The following DNAJC13 variants were observed in gnomAD, a reference collection of about 807,000 sequenced individuals.
DNAJC13 encodes the protein dnaJ homolog subfamily C member 13.
DNAJC13 carries 75 observed loss-of-function variants against 290.5 expected under a neutral mutation model. The observed-to-expected ratio is 0.26, with a 90% CI of 0.21 to 0.31. The LOEUF is 0.31. DNAJC13 is among the 10% of genes least tolerant of loss of function. The probability of loss-of-function intolerance (pLI) is 1.00; values close to 1 mark genes in which losing one functional copy is unlikely to be tolerated. For synonymous variants in DNAJC13, 862 were observed against 892.0 expected (o/e 0.97, Z 0.60); for missense variants, 2,260 against 2,674.5 (o/e 0.85, Z 3.42).
intron 20 of DNAJC13, among the ~76,000 whole-genome samples, chr3:132,469,533 G>A (rs903936472): frequency 1.3e-5 from 2 of 152,150 alleles, no homozygotes; most frequent in African/African-American, 2.4e-5. Flanking sequence ...TCCTTTTTCT[G>A]TATAGCATTT....
intron 15 of DNAJC13, 145 bp downstream of exon 15, chr3:132,461,350 T>C: frequency 1.2e-6 from 1 of 815,784 alleles, no homozygotes; most frequent in East Asian, 2.6e-5. Context: ...GAAAGAAGAG[T>C]TGTCTTGGGC....
At chr3:132,436,336 C>T (rs1939384686) in intron 2 of DNAJC13, among the ~76,000 whole-genome samples, 1 of 152,174 alleles carries the variant, frequency 6.6e-6, no homozygotes, top group African/African-American at 2.4e-5. Context: ...CTGACTTCTT[C>T]CATTAAGCAT....
chr3:132,458,391 A>G (rs1933683785), intron 13 of DNAJC13: 1 of 152,204 alleles, frequency 6.6e-6, no homozygotes, highest in Non-Finnish European at 1.5e-5. Context: ...ACAAGTAGTG[A>G]GATAACTAGA....
At chr3:132,501,506 T>G (rs185635772) in intron 39 of DNAJC13, among the ~76,000 whole-genome samples, 1 of 151,264 alleles carries the variant, frequency 6.6e-6, no homozygotes, top group Admixed American at 6.6e-5. Flanking sequence ...GACTGAGATA[T>G]ATGCTTCAGA....
chr3:132,418,729 A>G (rs1038452543), intron 1 of DNAJC13, among the ~76,000 whole-genome samples: 3 of 152,144 alleles, frequency 2.0e-5, no homozygotes, highest in African/African-American at 7.2e-5. Context: ...TGTCTTGGGG[A>G]AAAAAGTAGA....
chr3:132,471,596 A>G (rs1337139034), intron 20 of DNAJC13, among the ~76,000 whole-genome samples: 2 of 135,034 alleles, frequency 1.5e-5, no homozygotes, highest in Non-Finnish European at 3.2e-5. Context: ...GGCACTCCTC[A>G]CATCCCAGAT....
rs536634724 is a variant in DNAJC13, at chr3:132,497,360, G to A, written c.4156+697G>A. On this transcript the variant is annotated intron_variant, in intron 36 of 55. Transcript: ENST00000260818. The stretch of plus-strand genomic sequence containing the variant: ...AATATGGCAGATGCCCAATGGCTTG[G>A]GAACTGAACTTGACTTACAGCACAA... Among the ~76,000 whole-genome samples the A allele has an allele frequency of 1.9e-3, 282 of 152,278 alleles. 1 individual carries two copies. The highest frequency in any genetic ancestry group is 6.4e-3 in the African/African-American group (268 of 41,566).
intron 20 of DNAJC13, among the ~76,000 whole-genome samples, chr3:132,471,903 G>A (rs1447201022): frequency 6.9e-6 from 1 of 144,870 alleles, no homozygotes; most frequent in Admixed American, 7.0e-5. Flanking sequence ...GCGGCTGGGA[G>A]GTGTAGGTTG....
intron 4 of DNAJC13, 23 bp from the exon 5 acceptor site, chr3:132,447,875 T>C: frequency 1.3e-6 from 2 of 1,596,774 alleles, no homozygotes; most frequent in Middle Eastern, 1.7e-4. Flanking sequence ...TGTCATAAAC[T>C]GTGGTTATGT....
intron 29 of DNAJC13, among the ~76,000 whole-genome samples, chr3:132,487,427 T>G (rs1315663126): frequency 1.3e-5 from 2 of 151,838 alleles, no homozygotes; most frequent in African/African-American, 4.8e-5. Context: ...CGGCTAATTT[T>G]TTGTACTTTT....
chr3:132,465,170 T>C (rs935143665), intron 17 of DNAJC13, among the ~76,000 whole-genome samples: 1 of 152,130 alleles, frequency 6.6e-6, no homozygotes, highest in Non-Finnish European at 1.5e-5. Flanking sequence ...TGACAAAGTA[T>C]ATTTTGGGTT....
At chr3:132,515,629 T>G (rs770980349) in intron 46 of DNAJC13, among the ~76,000 whole-genome samples, 1 of 152,202 alleles carries the variant, frequency 6.6e-6, no homozygotes, top group Non-Finnish European at 1.5e-5. Context: ...AAGGATGTTA[T>G]GGAACTCATA....
intron 46 of DNAJC13, 33 bp downstream of exon 46, chr3:132,514,703 G>C: frequency 1.3e-6 from 2 of 1,489,972 alleles, no homozygotes; most frequent in Non-Finnish European, 9.3e-7. Flanking sequence ...GGAAACCACA[G>C]CAAGATTAGC....
At position 132,462,654 on chromosome 3, in the gene DNAJC13, T is replaced by C. The variant is rs1020041813; in HGVS notation, c.1770+131T>C. On this transcript the variant is annotated intron_variant, in intron 16 of 55. Transcript: ENST00000260818. ...TCTGGGTAAGAAAAGTAATTTTAAA[T>C]CTTTATTATAAATTAGTTTTAAACT... The C allele has an allele frequency of 5.1e-6, 3 of 582,618 alleles. No individual in the cohort carries two copies. The Admixed American group carries it at 1.1e-4, about 21-fold the overall frequency. The allele number at this position is 582,618 out of a possible 1,614,324, so 36.1% of individuals were successfully genotyped here.
chr3:132,513,185 T>G, intron 45 of DNAJC13, 86 bp downstream of exon 45: 1 of 1,153,030 alleles, frequency 8.7e-7, no homozygotes, highest in Non-Finnish European at 1.3e-6. Flanking sequence ...TGTCTGAAGT[T>G]GAAGTGTGCT....
intron 36 of DNAJC13, among the ~76,000 whole-genome samples, chr3:132,498,750 C>G (rs1167277648): frequency 6.6e-6 from 1 of 151,702 alleles, no homozygotes; most frequent in Non-Finnish European, 1.5e-5. Flanking sequence ...GAGGCTTGCC[C>G]TGTCGCCCAG....
At chr3:132,492,041 G>T (rs986497476) in intron 32 of DNAJC13, among the ~76,000 whole-genome samples, 1 of 152,146 alleles carries the variant, frequency 6.6e-6, no homozygotes, top group Non-Finnish European at 1.5e-5. Context: ...CTAGACTACA[G>T]TAAGTTAATT....
chr3:132,495,994 A>G (rs1935223423), intron 35 of DNAJC13, among the ~76,000 whole-genome samples: 1 of 152,176 alleles, frequency 6.6e-6, no homozygotes, highest in South Asian at 2.1e-4. Context: ...ACAAGAATCT[A>G]CATATAGATA....
At chr3:132,511,366 A>C in intron 44 of DNAJC13, 122 bp downstream of exon 44, 1 of 1,145,124 alleles carries the variant, frequency 8.7e-7, no homozygotes, top group Non-Finnish European at 1.2e-6. Flanking sequence ...TATTAATATA[A>C]CATTACAGGG....
Sources: allele counts gnomAD v4.1 joint callset (sites outside exome capture counted in the v4.1 genomes callset), GRCh38; gene constraint gnomAD v4.1.1; transcripts MANE v1.5; gene names NCBI Gene and HGNC (gene_info 2026-07-23, HGNC 2026-07-21).